Variants in XPO1 observed in about 807,000 individuals in gnomAD.
XPO1 encodes exportin 1, also known as exportin-1.
Under a neutral mutation model 133.3 loss-of-function variants are expected in XPO1, and 5 were observed. The observed-to-expected ratio is 0.04, with a 90% CI of 0.02 to 0.08. The LOEUF (loss-of-function observed/expected upper bound fraction) is 0.08. Ranked by LOEUF, XPO1 falls within the 10% of genes least tolerant of loss-of-function variation. The probability of loss-of-function intolerance (pLI) is 1.00; values close to 1 mark genes in which losing one functional copy is unlikely to be tolerated. For synonymous variants in XPO1, 419 were observed against 408.2 expected, an observed-to-expected ratio of 1.03 and a Z score of -0.32; for missense variants, 506 against 1,267.5, an observed-to-expected ratio of 0.40 and a Z score of 9.12.
At chr2:61,529,454 A>C (rs946160177) in intron 2 of XPO1, among the ~76,000 whole-genome samples, 3 of 152,156 alleles carry the variant, frequency 2.0e-5, no homozygotes, top group Non-Finnish European at 2.9e-5. Context: ...TCAGAAGTTC[A>C]AGACCAGCCT....
chr2:61,537,021 C>T (rs1270755594), intron 1 of XPO1: 1 of 152,168 alleles, frequency 6.6e-6, no homozygotes, highest in South Asian at 2.1e-4. Context: ...TTTCCTACTT[C>T]ACATGCCACT....
intron 1 of XPO1, among the ~76,000 whole-genome samples, chr2:61,535,960 C>T (rs1379946608): frequency 6.6e-6 from 1 of 152,188 alleles, no homozygotes; most frequent in African/African-American, 2.4e-5. Context: ...ATCCATGTAT[C>T]AAAAGTTTTC....
intron 16 of XPO1, 65 bp downstream of exon 16, chr2:61,491,970 T>G: frequency 6.4e-7 from 1 of 1,553,644 alleles, no homozygotes; most frequent in Non-Finnish European, 8.7e-7. Flanking sequence ...CTATTTCCAT[T>G]GATACATACA....
At chr2:61,479,454 C>CA (rs1696223718) in intron 24 of XPO1, among the ~76,000 whole-genome samples, 20 of 108,944 alleles carry the variant, frequency 1.8e-4, no homozygotes, top group Admixed American at 1.1e-3. Context: ...CTGTGCCCCC[C>CA]CAAAAAAAAC....
In XPO1 at chr2:61,478,689, A is replaced by T; in HGVS notation, c.*131T>A. The T allele has an allele frequency of 1.1e-6, 1 of 870,184 alleles. No homozygotes were observed. The highest frequency in any genetic ancestry group is 1.6e-6 in the Non-Finnish European group (1 of 606,072). The allele number at this position is 870,184 out of a possible 1,614,324, so 53.9% of individuals were successfully genotyped here. ...CACAGAAAATTTCTTATACAAAAAAACACATAAGAAAAAGGGCCACTAGGT... is the reference window on the plus strand; with the variant it reads ...CACAGAAAATTTCTTATACAAAAAATCACATAAGAAAAAGGGCCACTAGGT... On this transcript the variant is annotated 3_prime_UTR_variant, in exon 25 of 25. Coordinates refer to ENST00000401558, the MANE Select transcript of XPO1 (RefSeq NM_003400.4).
At chr2:61,497,296 T>G (rs1253281332) in intron 9 of XPO1, among the ~76,000 whole-genome samples, 1 of 152,062 alleles carries the variant, frequency 6.6e-6, no homozygotes, top group Non-Finnish European at 1.5e-5. Flanking sequence ...CACTGCAACC[T>G]CACCTCTTGG....
chr2:61,490,851 A>C (rs1314144949), intron 16 of XPO1, 75 bp from the exon 17 acceptor site: 1 of 1,541,548 alleles, frequency 6.5e-7, no homozygotes, highest in Non-Finnish European at 8.8e-7. Context: ...AGCAATTCAC[A>C]AACGTCTTGA....
chr2:61,526,988 G>A (rs763762880), intron 2 of XPO1, among the ~76,000 whole-genome samples: 1 of 152,132 alleles, frequency 6.6e-6, no homozygotes, highest in South Asian at 2.1e-4. Flanking sequence ...GATTATAGGA[G>A]TGAGCCACCA....
At chr2:61,493,580 AT>A in intron 12 of XPO1, 1 of 260,986 alleles carries the variant, frequency 3.8e-6, no homozygotes, top group South Asian at 7.0e-5. Context: ...TTTTAATGTG[AT>A]TTTTTTAACC....
chr2:61,526,090 C>A, intron 3 of XPO1: 1 of 1,126,844 alleles, frequency 8.9e-7, no homozygotes, highest in Non-Finnish European at 1.1e-6. Context: ...GATTACTTGC[C>A]CAAAATAATT....
chr2:61,485,909 C>T lies in XPO1; in HGVS notation c.2367G>A (p.Gln789=), dbSNP rs187374042. ...PLLDAVLIDY[Q]RNVPAAREPE... ...GTTCTCTAGCAGCTGGGACATTTCT[C>T]TGATAATCAATGAGAACTGCATCCA... is the stretch of plus-strand genomic sequence containing the variant. The change falls in exon 20 of 25, where the codon CAG becomes CAA. Residue 789 remains glutamine (Q), a synonymous_variant. Coordinates refer to ENST00000401558, the MANE Select transcript of XPO1 (RefSeq NM_003400.4). 8.7e-6 allele frequency: 14 copies of T among 1,613,998 alleles called. No individual in the cohort carries two copies. The highest frequency in any genetic ancestry group is 2.2e-5 in the East Asian group (1 of 44,870).
intron 7 of XPO1, among the ~76,000 whole-genome samples, 172 bp from the exon 8 acceptor site, chr2:61,499,085 C>G (rs1454252975): frequency 1.3e-5 from 2 of 152,092 alleles, no homozygotes; most frequent in African/African-American, 4.8e-5. Flanking sequence ...CTGGGCAACC[C>G]AAGGGGAAAA....
At chr2:61,495,202 T>C (rs1301735235) in intron 11 of XPO1, among the ~76,000 whole-genome samples, 1 of 152,176 alleles carries the variant, frequency 6.6e-6, no homozygotes, top group Non-Finnish European at 1.5e-5. Context: ...TTTGAAATTT[T>C]AACCTTAGAA....
chr2:61,500,554 G>C (rs916200400), intron 6 of XPO1, among the ~76,000 whole-genome samples: 1 of 121,346 alleles, frequency 8.2e-6, no homozygotes, highest in African/African-American at 3.2e-5. Context: ...ACTCAAGGCT[G>C]GGCAACAGGA....
At chr2:61,514,541 C>T (rs1206850915) in intron 4 of XPO1, among the ~76,000 whole-genome samples, 6 of 149,774 alleles carry the variant, frequency 4.0e-5, no homozygotes, top group Non-Finnish European at 7.4e-5. Flanking sequence ...TGCAGTCAGC[C>T]GAGATCAGGC....
At chr2:61,486,689 C>G (rs750530617) in intron 19 of XPO1, among the ~76,000 whole-genome samples, 4 of 152,114 alleles carry the variant, frequency 2.6e-5, no homozygotes, top group Middle Eastern at 3.2e-3. Context: ...GATTTCCTGA[C>G]CTCGTGATCC....
At chr2:61,494,378 G>A (rs561863849) in intron 11 of XPO1, 1 of 295,664 alleles carries the variant, frequency 3.4e-6, no homozygotes, top group Non-Finnish European at 6.4e-6. Context: ...CCAATAAGTG[G>A]TATCACAACC....
At chr2:61,528,469 C>T (rs970171093) in intron 2 of XPO1, among the ~76,000 whole-genome samples, 18 of 151,812 alleles carry the variant, frequency 1.2e-4, no homozygotes, top group South Asian at 2.1e-4. Context: ...CCCATCTCTA[C>T]TAAAAATACA....
intron 4 of XPO1, among the ~76,000 whole-genome samples, chr2:61,503,318 A>C (rs1261415220): frequency 6.6e-6 from 1 of 151,090 alleles, no homozygotes; most frequent in African/African-American, 2.4e-5. Context: ...GCAGAGGTGC[A>C]ATCTTGGTTC....
Sources: allele counts gnomAD v4.1 joint callset (sites outside exome capture counted in the v4.1 genomes callset), GRCh38; gene constraint gnomAD v4.1.1; transcripts MANE v1.5; gene names NCBI Gene and HGNC (gene_info 2026-07-23, HGNC 2026-07-21).